The following GSTZ1 variants were observed in gnomAD, a reference collection of about 807,000 sequenced individuals.
GSTZ1 encodes the protein maleylacetoacetate isomerase.
GSTZ1 carries 34 observed loss-of-function variants against 35.9 expected under a neutral mutation model. The observed-to-expected ratio is 0.95, with a 90% CI of 0.72 to 1.26. The LOEUF (loss-of-function observed/expected upper bound fraction) is 1.26, where lower values mean the gene tolerates loss of function less well. Among genes scored for constraint, GSTZ1 ranks in the 50% most tolerant of loss-of-function variants. The pLI is 0.00. For missense variants in GSTZ1, 263 were observed against 271.7 expected (o/e 0.97, Z 0.23); for synonymous variants, 93 against 101.2 (o/e 0.92, Z 0.49).
At chr14:77,324,152 C>CTTTTT (rs11287763) in intron 1 of GSTZ1, 3 of 117,994 alleles carry the variant, frequency 2.5e-5, no homozygotes, top group African/African-American at 3.5e-5. Context: ...AAAAAAATGC[C>CTTTTT]TTTTTTTTTT....
At chr14:77,321,970 G>A (rs1438272021) in intron 1 of GSTZ1, among the ~76,000 whole-genome samples, 4 of 152,064 alleles carry the variant, frequency 2.6e-5, no homozygotes. Flanking sequence ...TTCTTCCCGG[G>A]GCCTGCTCCA....
intron 7 of GSTZ1, 52 bp downstream of exon 7, chr14:77,329,859 A>G (rs766752055): frequency 7.5e-7 from 1 of 1,328,574 alleles, no homozygotes; most frequent in Non-Finnish European, 1.1e-6. Context: ...TGCCTCCCTC[A>G]TGCTGACCTC....
Position 77,328,030 on chromosome 14 carries a change from C to T in GSTZ1, c.335C>T (p.Pro112Leu). The T allele has an allele frequency of 6.2e-7, 1 of 1,613,806 alleles. No homozygotes were observed. Among genetic ancestry groups the T allele is most frequent in the Non-Finnish European group, 8.5e-7 (1 of 1,179,872 alleles). The part of the protein sequence containing the change: ...ISDLIAGGIQ[P>L]LQNLSVLKQV... ...GACCTCATCGCTGGTGGCATCCAGC[C>T]CCTGCAGGTGTGGCACTTGTACACT... is the stretch of plus-strand genomic sequence containing the variant. The change falls in exon 5 of 9, where the codon CCC becomes CTC. Residue 112 changes from proline to leucine, a missense_variant. Transcript: ENST00000216465.
At chr14:77,321,572 C>G (rs368945116) in intron 1 of GSTZ1, 3 of 1,213,842 alleles carry the variant, frequency 2.5e-6, no homozygotes, top group East Asian at 1.1e-4. Context: ...AGGTGACCTT[C>G]CAGTAATGTT....
intron 1 of GSTZ1, chr14:77,323,153 C>T (rs1892115691): frequency 2.0e-5 from 3 of 152,098 alleles, no homozygotes; most frequent in Admixed American, 2.0e-4. Flanking sequence ...CCAAAGGTAA[C>T]AAAAATGAGA....
At position 77,331,080 on chromosome 14, in the gene GSTZ1, A is replaced by ATC; in HGVS notation, c.539_540dup (p.Thr181SerfsTer35). 1 of 1,613,844 alleles carries ATC rather than the reference A, an allele frequency of 6.2e-7. No individual in the cohort carries two copies. The highest frequency in any genetic ancestry group is 8.5e-7 in the Non-Finnish European group (1 of 1,179,850). ...TTTCTCTACTACAGATTCAAGGTGG[A>ATC]TCTCACCCCCTACCCTACCATCAGC... On this transcript the variant is annotated frameshift_variant, in exon 9 of 9. Transcript: ENST00000216465. LOFTEE classifies it high-confidence loss of function.
chr14:77,321,294 C>T, intron 1 of GSTZ1, 111 bp downstream of exon 1: 1 of 1,520,986 alleles, frequency 6.6e-7, no homozygotes, highest in Non-Finnish European at 8.9e-7. Flanking sequence ...CGACTCCCGG[C>T]ATGCAGTGCT....
chr14:77,324,493 A>T (rs986111121), intron 1 of GSTZ1: 1 of 920,380 alleles, frequency 1.1e-6, no homozygotes, highest in African/African-American at 1.6e-5. Context: ...ATGCCTGGGT[A>T]GCCCAGCTTC....
chr14:77,321,383 G>A, intron 1 of GSTZ1, 200 bp downstream of exon 1: 2 of 1,530,596 alleles, frequency 1.3e-6, no homozygotes, highest in Non-Finnish European at 1.7e-6. Context: ...TGGGCCAGAG[G>A]AGGCGGTCCT....
intron 1 of GSTZ1, chr14:77,321,400 G>T: frequency 1.3e-6 from 2 of 1,529,676 alleles, no homozygotes; most frequent in Non-Finnish European, 1.7e-6. Context: ...TCCTGGTAGG[G>T]AGTGCGTAGC....
In GSTZ1 at chr14:77,330,300, C is replaced by G; in HGVS notation, c.475-10C>G. 1.2e-6 allele frequency: 2 copies of G among 1,610,850 alleles called. No individual in the cohort carries two copies. The highest frequency in any genetic ancestry group is 2.7e-5 in the African/African-American group (2 of 74,944). On this transcript the variant is annotated splice_polypyrimidine_tract_variant and intron_variant, in intron 7 of 8. Coordinates refer to ENST00000216465, the MANE Select transcript of GSTZ1 (RefSeq NM_145870.3). ...GCACCCTGATGGGAACCCACCGGGACCTCTTTCAGGTGACCATGGCTGATC... is the reference window on the plus strand; with the variant it reads ...GCACCCTGATGGGAACCCACCGGGAGCTCTTTCAGGTGACCATGGCTGATC...
chr14:77,322,475 C>T (rs950631783), intron 1 of GSTZ1: 11 of 412,730 alleles, frequency 2.7e-5, no homozygotes, highest in Non-Finnish European at 3.3e-5. Context: ...AGGTGTAATC[C>T]AAAGGCATTT....
At chr14:77,325,131 TG>T (rs1380679306) in intron 2 of GSTZ1, 1 of 580,272 alleles carries the variant, frequency 1.7e-6, no homozygotes, top group Admixed American at 2.8e-5. Flanking sequence ...GGAAGGGGGT[TG>T]TTTTTTCCCT....
intron 1 of GSTZ1, 86 bp from the exon 2 acceptor site, chr14:77,324,784 C>T: frequency 7.4e-7 from 1 of 1,355,376 alleles, no homozygotes; most frequent in Non-Finnish European, 1.1e-6. Flanking sequence ...GGAGGCCTGG[C>T]AGGACAGGAA....
At chr14:77,324,740 C>A in intron 1 of GSTZ1, 130 bp from the exon 2 acceptor site, 1 of 1,155,212 alleles carries the variant, frequency 8.7e-7, no homozygotes, top group Non-Finnish European at 1.3e-6. Context: ...AGCTTGGAGT[C>A]TGCCCTGATT....
intron 1 of GSTZ1, among the ~76,000 whole-genome samples, chr14:77,322,225 A>G (rs1216251609): frequency 2.6e-5 from 4 of 152,258 alleles, no homozygotes; most frequent in Non-Finnish European, 5.9e-5. Context: ...AATCTGCTAA[A>G]GTAATCAGAA....
rs1051660170 is a variant in GSTZ1, at chr14:77,321,109, T to C, written c.-60T>C. The C allele has an allele frequency of 9.8e-6, 14 of 1,434,494 alleles. No homozygotes were observed. In the Admixed American group the frequency reaches 2.6e-4, roughly 27 times the overall value. The allele number at this position is 1,434,494 out of a possible 1,614,324, so 88.9% of individuals were successfully genotyped here. A position where few individuals can be genotyped will look rare whatever the true frequency, so the allele number is the denominator to read the frequency against. On this transcript the variant is annotated 5_prime_UTR_variant, in exon 1 of 9. Coordinates refer to ENST00000216465, the MANE Select transcript of GSTZ1 (RefSeq NM_145870.3). Reference sequence around the variant, plus strand: ...GTCGAGTCTCACTGAGCCTTAGTCGTCGGCAGGTCCCAGGCGCGAAGTTTC... The same window carrying C: ...GTCGAGTCTCACTGAGCCTTAGTCGCCGGCAGGTCCCAGGCGCGAAGTTTC...
chr14:77,322,745 C>A, intron 1 of GSTZ1: 3 of 983,066 alleles, frequency 3.1e-6, no homozygotes, highest in Non-Finnish European at 3.6e-6. Context: ...ACCTTCAGGA[C>A]AGGCTGGGAC....
chr14:77,327,027 C>A, intron 3 of GSTZ1, 122 bp downstream of exon 3: 1 of 717,708 alleles, frequency 1.4e-6, no homozygotes, highest in Non-Finnish European at 2.4e-6. Context: ...ACTATCACTG[C>A]AGGAGGCTGC....
Sources: allele counts gnomAD v4.1 joint callset (sites outside exome capture counted in the v4.1 genomes callset), GRCh38; gene constraint gnomAD v4.1.1; transcripts MANE v1.5; gene names NCBI Gene and HGNC (gene_info 2026-07-23, HGNC 2026-07-21).